The following ZNF804A variants were observed in gnomAD, a reference collection of about 807,000 sequenced individuals.
ZNF804A encodes zinc finger protein 804A.
A neutral mutation model predicts 16.5 loss-of-function variants in ZNF804A; 2 were observed. The ratio of observed to expected loss-of-function variants is 0.12; its 90% CI spans 0.05 to 0.38. ZNF804A has a LOEUF of 0.38. Ranked by LOEUF, ZNF804A falls within the 10% of genes least tolerant of loss-of-function variation. The pLI is 0.99. For synonymous variants in ZNF804A, 534 were observed against 489.6 expected, an observed-to-expected ratio of 1.09 and a Z score of -1.20; for missense variants, 1,473 against 1,390.7, an observed-to-expected ratio of 1.06 and a Z score of -0.94.
chr2:184,919,345 T>C (rs1439065477), intron 2 of ZNF804A, among the ~76,000 whole-genome samples: 2 of 152,168 alleles, frequency 1.3e-5, no homozygotes, highest in Non-Finnish European at 2.9e-5. Flanking sequence ...CTGTCGCTGC[T>C]GGCATTGGGC....
intron 1 of ZNF804A, among the ~76,000 whole-genome samples, chr2:184,837,290 A>C (rs1315721841): frequency 6.6e-6 from 1 of 152,098 alleles, no homozygotes; most frequent in East Asian, 1.9e-4. Context: ...GGTTAGACAA[A>C]GAAGAGAGTG....
At chr2:184,746,615 T>C (rs998882963) in intron 1 of ZNF804A, among the ~76,000 whole-genome samples, 3 of 151,486 alleles carry the variant, frequency 2.0e-5, no homozygotes, top group African/African-American at 7.3e-5. Flanking sequence ...GTAATCACTC[T>C]GTTGTGCTAT....
intron 2 of ZNF804A, among the ~76,000 whole-genome samples, chr2:184,876,060 C>T (rs577995665): frequency 6.6e-6 from 1 of 152,300 alleles, no homozygotes; most frequent in South Asian, 2.1e-4. Flanking sequence ...GTGATCTTCA[C>T]TTCAGCAAGT....
intron 2 of ZNF804A, among the ~76,000 whole-genome samples, chr2:184,907,656 T>C (rs186344265): frequency 2.0e-4 from 31 of 152,204 alleles, no homozygotes; most frequent in African/African-American, 7.2e-4. Flanking sequence ...ACTCCTTCAA[T>C]GGAGGATAGA....
At chr2:184,678,319 C>T (rs1042491274) in intron 1 of ZNF804A, among the ~76,000 whole-genome samples, 3 of 151,988 alleles carry the variant, frequency 2.0e-5, no homozygotes, top group Non-Finnish European at 4.4e-5. Context: ...AGACAGTGTG[C>T]TATACTGGTA....
chr2:184,697,714 A>G (rs1559129097), intron 1 of ZNF804A, among the ~76,000 whole-genome samples: 1 of 151,938 alleles, frequency 6.6e-6, no homozygotes, highest in African/African-American at 2.4e-5. Context: ...AAATGACTCA[A>G]ACACACACAC....
intron 1 of ZNF804A, among the ~76,000 whole-genome samples, chr2:184,865,358 C>T (rs1695864263): frequency 1.3e-5 from 2 of 151,782 alleles, no homozygotes; most frequent in African/African-American, 2.4e-5. Flanking sequence ...CGTGTGTAAA[C>T]TTTATTCATG....
intron 2 of ZNF804A, among the ~76,000 whole-genome samples, chr2:184,869,622 C>G (rs950505200): frequency 6.6e-6 from 1 of 151,998 alleles, no homozygotes; most frequent in Non-Finnish European, 1.5e-5. Context: ...TTATTACTTA[C>G]TAAATTTTTT....
At chr2:184,634,238 A>G (rs1014627265) in intron 1 of ZNF804A, among the ~76,000 whole-genome samples, 23 of 152,204 alleles carry the variant, frequency 1.5e-4, no homozygotes, top group African/African-American at 5.3e-4. Context: ...TTAATTTTGT[A>G]TATTTTAAAG....
At chr2:184,668,003 T>C (rs1471728046) in intron 1 of ZNF804A, among the ~76,000 whole-genome samples, 2 of 151,246 alleles carry the variant, frequency 1.3e-5, no homozygotes, top group Non-Finnish European at 1.5e-5. Context: ...TTTCAGTATA[T>C]TCTAGTTCAA....
chr2:184,921,692 C>T (rs913712376), intron 2 of ZNF804A, among the ~76,000 whole-genome samples: 1 of 152,024 alleles, frequency 6.6e-6, no homozygotes, highest in Non-Finnish European at 1.5e-5. Context: ...CTATAGTCAC[C>T]TTTTTGTGCT....
At chr2:184,725,767 ACCCCTTTAT>A (rs1321946377) in intron 1 of ZNF804A, among the ~76,000 whole-genome samples, 1 of 151,446 alleles carries the variant, frequency 6.6e-6, no homozygotes, top group Non-Finnish European at 1.5e-5. Flanking sequence ...GCCTGATGCT[ACCCCTTTAT>A]CCCCTTTATA....
chr2:184,791,113 AT>A (rs947058854), intron 1 of ZNF804A, among the ~76,000 whole-genome samples: 32 of 151,792 alleles, frequency 2.1e-4, no homozygotes, highest in South Asian at 1.9e-3. Flanking sequence ...GTTGTCTTTT[AT>A]TTTTTTTATC....
chr2:184,705,523 A>G (rs1446649727), intron 1 of ZNF804A, among the ~76,000 whole-genome samples: 5 of 152,144 alleles, frequency 3.3e-5, no homozygotes, highest in Admixed American at 2.6e-4. Flanking sequence ...TTTTTTCTTC[A>G]GAGTACAACT....
At chr2:184,751,454 T>C (rs1458832054) in intron 1 of ZNF804A, among the ~76,000 whole-genome samples, 1 of 151,444 alleles carries the variant, frequency 6.6e-6, no homozygotes, top group African/African-American at 2.4e-5. Context: ...GCATTGACTT[T>C]GGCAGTAATT....
intron 1 of ZNF804A, among the ~76,000 whole-genome samples, chr2:184,794,261 A>T (rs567959358): frequency 6.6e-6 from 1 of 152,014 alleles, no homozygotes; most frequent in East Asian, 1.9e-4. Flanking sequence ...TATTATGTCC[A>T]TCCTTACTGG....
At position 184,886,996 on chromosome 2, in the gene ZNF804A, G is replaced by A. The variant is rs924327692; in HGVS notation, c.255+20484G>A. The stretch of plus-strand genomic sequence containing the variant: ...AAGCTTGAATTTCTCCCCAGAAAAC[G>A]AGATTTTCCTTCCTATCATATAGTC... On this transcript the variant is annotated intron_variant, in intron 2 of 3. Coordinates refer to ENST00000302277, the MANE Select transcript of ZNF804A (RefSeq NM_194250.2). Among the ~76,000 whole-genome samples the A allele has an allele frequency of 1.1e-4, 17 of 152,282 alleles. No individual in the cohort carries two copies. In the South Asian group the frequency reaches 1.5e-3, roughly 13 times the overall value.
chr2:184,896,684 C>T (rs1415441080), intron 2 of ZNF804A, among the ~76,000 whole-genome samples: 1 of 152,024 alleles, frequency 6.6e-6, no homozygotes, highest in Non-Finnish European at 1.5e-5. Flanking sequence ...AGTTTTAATT[C>T]TTTCTTTACA....
chr2:184,866,729 C>T (rs1695882874), intron 2 of ZNF804A, among the ~76,000 whole-genome samples: 1 of 146,040 alleles, frequency 6.8e-6, no homozygotes, highest in Non-Finnish European at 1.5e-5. Context: ...CTGAAATAAT[C>T]AACATAAAGA....
Sources: allele counts gnomAD v4.1 joint callset (sites outside exome capture counted in the v4.1 genomes callset), GRCh38; gene constraint gnomAD v4.1.1; transcripts MANE v1.5; gene names NCBI Gene and HGNC (gene_info 2026-07-23, HGNC 2026-07-21).